Variants in CNTN6 observed in about 807,000 individuals in gnomAD.
The protein encoded by CNTN6 is contactin 6, also known as contactin-6.
A neutral mutation model predicts 122.8 loss-of-function variants in CNTN6; 137 were observed. The observed-to-expected ratio is 1.12, with a 90% CI of 0.97 to 1.29. The LOEUF is 1.29. CNTN6 is among the 50% of genes most tolerant of loss of function. The pLI is 0.00. For missense variants in CNTN6, 1,634 were observed against 1,223.4 expected (o/e 1.34, Z -5.01); for synonymous variants, 570 against 426.0 (o/e 1.34, Z -4.16).
intron 19 of CNTN6, among the ~76,000 whole-genome samples, chr3:1,384,794 TATAC>T (rs1205726363): frequency 1.7e-4 from 18 of 107,132 alleles, no homozygotes; most frequent in South Asian, 2.8e-4. Flanking sequence ...TATATATATA[TATAC>T]ACACACACAC....
intron 4 of CNTN6, among the ~76,000 whole-genome samples, chr3:1,257,571 A>T (rs940406891): frequency 1.3e-5 from 2 of 152,084 alleles, no homozygotes; most frequent in Non-Finnish European, 2.9e-5. Flanking sequence ...AATTTCCCCA[A>T]TTCCATTTAA....
intron 14 of CNTN6, 67 bp from the exon 15 acceptor site, chr3:1,373,537 C>T: frequency 1.4e-6 from 2 of 1,464,950 alleles, no homozygotes; most frequent in South Asian, 2.6e-5. Context: ...AAAAATAAAC[C>T]ATCCTAGTAC....
chr3:1,112,924 A>G (rs2091548882), intron 1 of CNTN6, among the ~76,000 whole-genome samples: 1 of 152,128 alleles, frequency 6.6e-6, no homozygotes. Flanking sequence ...AGAAGAGATG[A>G]ATGAAAGAGG....
intron 19 of CNTN6, among the ~76,000 whole-genome samples, chr3:1,384,812 C>CACACACACACATAT (rs1338541100): frequency 6.2e-4 from 73 of 118,492 alleles, no homozygotes; most frequent in African/African-American, 2.2e-3. Flanking sequence ...CACACACACA[C>CACACACACACATAT]ATATATATAT....
Position 1,157,222 on chromosome 3 carries a change from TTTA to T in CNTN6, c.55+9162_55+9164del, listed in dbSNP as rs2092993788. ...TTTATTTATTTATTTATTTATTTAA[TTTA>T]TTTATTTATTTATGTACTTATTGTC... On this transcript the variant is annotated intron_variant, in intron 2 of 22. Coordinates refer to ENST00000446702, the MANE Select transcript of CNTN6 (RefSeq NM_001289080.2). 4.0e-5 allele frequency among the ~76,000 whole-genome samples: 4 copies of T among 99,676 alleles called. 1 individual carries two copies. Among genetic ancestry groups the T allele is most frequent in the African/African-American group, 1.9e-4 (4 of 20,600 alleles). 65.4% of individuals were successfully genotyped at this position (99,676 alleles called of 152,430 possible). A position where few individuals can be genotyped will look rare whatever the true frequency, so the allele number is the denominator to read the frequency against.
intron 5 of CNTN6, among the ~76,000 whole-genome samples, chr3:1,280,498 T>TC (rs1252189000): frequency 8.7e-6 from 1 of 114,670 alleles, no homozygotes; most frequent in African/African-American, 3.2e-5. Flanking sequence ...AGCATCTCGC[T>TC]CTGTCTCCCA....
At chr3:1,170,961 G>A (rs528408404) in intron 2 of CNTN6, among the ~76,000 whole-genome samples, 40 of 152,298 alleles carry the variant, frequency 2.6e-4, no homozygotes, top group African/African-American at 7.0e-4. Flanking sequence ...TGCAAAGTGC[G>A]TAGAAAGTGC....
intron 2 of CNTN6, among the ~76,000 whole-genome samples, chr3:1,220,115 G>C (rs2094187461): frequency 6.6e-6 from 1 of 152,130 alleles, no homozygotes; most frequent in Non-Finnish European, 1.5e-5. Context: ...CAGCACTTTG[G>C]GAGGCTGAGG....
chr3:1,173,292 T>G (rs553806790), intron 2 of CNTN6: 20 of 456,548 alleles, frequency 4.4e-5, no homozygotes, highest in Admixed American at 4.0e-4. Context: ...CTAAGTGCCC[T>G]TATATCACCT....
At chr3:1,398,963 G>C (rs1695319121) in intron 20 of CNTN6, among the ~76,000 whole-genome samples, 1 of 152,144 alleles carries the variant, frequency 6.6e-6, no homozygotes, top group African/African-American at 2.4e-5. Context: ...CAATGACAAA[G>C]TCATTGCCAA....
chr3:1,310,742 C>T (rs1220676114), intron 7 of CNTN6, among the ~76,000 whole-genome samples: 2 of 152,126 alleles, frequency 1.3e-5, no homozygotes, highest in Non-Finnish European at 2.9e-5. Flanking sequence ...TGGCTCATGC[C>T]TGTAATCCCA....
chr3:1,116,264 T>G (rs1349190477), intron 1 of CNTN6, among the ~76,000 whole-genome samples: 2 of 152,014 alleles, frequency 1.3e-5, no homozygotes, highest in Non-Finnish European at 1.5e-5. Context: ...ATTGTAGTAG[T>G]GTAGGAAAGG....
chr3:1,159,520 A>G (rs1333509026), intron 2 of CNTN6, among the ~76,000 whole-genome samples: 3 of 152,100 alleles, frequency 2.0e-5, no homozygotes, highest in Non-Finnish European at 2.9e-5. Context: ...AAACTGGGGA[A>G]ACTGAAACCA....
At chr3:1,172,254 T>C (rs1314452703) in intron 2 of CNTN6, among the ~76,000 whole-genome samples, 1 of 152,208 alleles carries the variant, frequency 6.6e-6, no homozygotes, top group African/African-American at 2.4e-5. Context: ...CAGTTTCATG[T>C]CTTCAAAAAT....
rs1553610778 is a variant in CNTN6 at position 1,158,969 on chromosome 3, C to CACATATATATATATATATATATATAT, written c.55+10907_55+10908insCATATATATATATATATATATATATA. Among the ~76,000 whole-genome samples the CACATATATATATATATATATATATAT allele has an allele frequency of 3.8e-4, 43 of 112,774 alleles. 1 individual carries two copies. Among genetic ancestry groups the CACATATATATATATATATATATATAT allele is most frequent in the Middle Eastern group, 4.0e-3 (1 of 252 alleles). 74.0% of individuals were successfully genotyped at this position (112,774 alleles called of 152,430 possible). A position where few individuals can be genotyped will look rare whatever the true frequency, so the allele number is the denominator to read the frequency against. On this transcript the variant is annotated intron_variant, in intron 2 of 22. Coordinates refer to ENST00000446702, the MANE Select transcript of CNTN6 (RefSeq NM_001289080.2). The stretch of plus-strand genomic sequence containing the variant: ...ATATATATATACACACACACACACA[C>CACATATATATATATATATATATATAT]ATATATATATATATAGACAAGGTCT...
At chr3:1,240,803 CACATGGGTGAAATAA>C (rs1388261191) in intron 4 of CNTN6, among the ~76,000 whole-genome samples, 4 of 152,046 alleles carry the variant, frequency 2.6e-5, no homozygotes, top group African/African-American at 9.7e-5. Context: ...CTGTTTATTT[CACATGGGTGAAATAA>C]ACCCATGCAC....
rs547461790 is a variant in CNTN6 at position 1,382,185 on chromosome 3, C to CA, written c.2167-756dup. Among the ~76,000 whole-genome samples the CA allele has an allele frequency of 1.7e-3, 265 of 151,570 alleles. 2 individuals carry two copies. The highest frequency in any genetic ancestry group is 6.2e-3 in the African/African-American group (256 of 41,336). On this transcript the variant is annotated intron_variant, in intron 17 of 22. Transcript: ENST00000446702. ...TTTTTCAATACAAGTTTCTTGCCATCAGGAGATATGTTGGTCTAAATTCAA... is the reference window on the plus strand; with the variant it reads ...TTTTTCAATACAAGTTTCTTGCCATCAAGGAGATATGTTGGTCTAAATTCAA...
At chr3:1,126,664 C>G (rs544339149) in intron 1 of CNTN6, among the ~76,000 whole-genome samples, 4 of 151,858 alleles carry the variant, frequency 2.6e-5, no homozygotes, top group Admixed American at 1.3e-4. Flanking sequence ...TTAGCACACT[C>G]ATCAATCAAT....
intron 10 of CNTN6, among the ~76,000 whole-genome samples, chr3:1,329,468 C>G (rs575039883): frequency 6.6e-6 from 1 of 151,788 alleles, no homozygotes; most frequent in East Asian, 2.0e-4. Flanking sequence ...TGACCACCAA[C>G]AAAACAAAAA....
Sources: allele counts gnomAD v4.1 joint callset (sites outside exome capture counted in the v4.1 genomes callset), GRCh38; gene constraint gnomAD v4.1.1; transcripts MANE v1.5; gene names NCBI Gene and HGNC (gene_info 2026-07-23, HGNC 2026-07-21).